The following SAP130 variants were observed in gnomAD, a reference collection of about 807,000 sequenced individuals.
SAP130 encodes Sin3A associated protein 130.
SAP130 carries 16 observed loss-of-function variants against 103.2 expected under a neutral mutation model. The ratio of observed to expected loss-of-function variants is 0.16; its 90% CI spans 0.10 to 0.24. SAP130 has a LOEUF of 0.24. Ranked by LOEUF, SAP130 falls within the 10% of genes least tolerant of loss-of-function variation. SAP130 has a pLI of 1.00. For missense variants in SAP130, 990 were observed against 1,359.7 expected (o/e 0.73, Z 4.28); for synonymous variants, 477 against 497.0 (o/e 0.96, Z 0.53).
chr2:128,018,489 A>C (rs944103404), intron 2 of SAP130, among the ~76,000 whole-genome samples: 10 of 148,632 alleles, frequency 6.7e-5, no homozygotes, highest in Non-Finnish European at 1.3e-4. Flanking sequence ...TCTCCAAAAA[A>C]AAAAAAAAAA....
At chr2:127,988,424 CT>C (rs1161934590) in intron 13 of SAP130, among the ~76,000 whole-genome samples, 3 of 89,866 alleles carry the variant, frequency 3.3e-5, no homozygotes, top group African/African-American at 8.1e-5. Context: ...GAGACCTTGT[CT>C]TTTTAAAAAA....
intron 4 of SAP130, 30 bp downstream of exon 4, chr2:128,016,359 G>C: frequency 6.2e-7 from 1 of 1,600,044 alleles, no homozygotes; most frequent in South Asian, 1.1e-5. Context: ...ATTTCAGTTT[G>C]AAAATCAGCA....
rs183930541 is a variant in SAP130 at position 127,952,337 on chromosome 2, G to A, written c.2423-1929C>T. Among the ~76,000 whole-genome samples, 37 of 151,504 alleles carry A rather than the reference G, an allele frequency of 2.4e-4. 1 individual carries two copies. Among genetic ancestry groups the A allele is most frequent in the African/African-American group, 7.5e-4 (31 of 41,262 alleles). On this transcript the variant is annotated intron_variant, in intron 16 of 20. Transcript: ENST00000643581. Reference sequence around the variant, plus strand: ...GTGGTGGCAGGTGCTTGTAATCCCCGCTACTCAGGAGGCTGAGGCAGGAGA... The same window carrying A: ...GTGGTGGCAGGTGCTTGTAATCCCCACTACTCAGGAGGCTGAGGCAGGAGA...
At chr2:128,027,445 C>A (rs1194715699) in intron 1 of SAP130, 1 of 1,105,572 alleles carries the variant, frequency 9.0e-7, no homozygotes, top group African/African-American at 1.7e-5. Flanking sequence ...GCGAGCCTGG[C>A]CGGGGCAGCC....
intron 7 of SAP130, among the ~76,000 whole-genome samples, chr2:128,004,640 T>C (rs985536805): frequency 2.6e-5 from 4 of 152,014 alleles, no homozygotes; most frequent in African/African-American, 7.2e-5. Flanking sequence ...AAGCTGGCAG[T>C]GAAGGAGCAT....
chr2:127,979,364 A>C (rs1032811110), intron 14 of SAP130, among the ~76,000 whole-genome samples: 2 of 152,188 alleles, frequency 1.3e-5, no homozygotes, highest in Non-Finnish European at 2.9e-5. Context: ...CTGTTGCCTT[A>C]AGCCAGAAGA....
intron 15 of SAP130, among the ~76,000 whole-genome samples, chr2:127,966,746 C>T (rs1244443741): frequency 1.3e-5 from 2 of 152,096 alleles, no homozygotes; most frequent in African/African-American, 4.8e-5. Flanking sequence ...TGCTTTTAAG[C>T]TGAATTCCAC....
At chr2:128,017,529 G>A (rs1343818634) in intron 3 of SAP130, 151 bp downstream of exon 3, 6 of 665,208 alleles carry the variant, frequency 9.0e-6, no homozygotes, top group African/African-American at 1.8e-5. Flanking sequence ...GAAAATCAGG[G>A]CTGAGTTACA....
At chr2:127,999,612 AAAAG>A in intron 10 of SAP130, 125 bp downstream of exon 10, 7 of 498,564 alleles carry the variant, frequency 1.4e-5, no homozygotes, top group African/African-American at 2.0e-5. Context: ...AAAGAAAAAG[AAAAG>A]AAAAAAAAAA....
intron 7 of SAP130, among the ~76,000 whole-genome samples, chr2:128,002,182 G>C (rs1000822432): frequency 6.6e-6 from 1 of 152,136 alleles, no homozygotes; most frequent in Admixed American, 6.5e-5. Flanking sequence ...CTCCCAAAGT[G>C]CTGGGATTAT....
chr2:127,971,228 T>C (rs1681066104), intron 15 of SAP130, among the ~76,000 whole-genome samples: 2 of 151,974 alleles, frequency 1.3e-5, no homozygotes, highest in South Asian at 4.1e-4. Context: ...GCTAGAATTA[T>C]AGGCATGAAC....
chr2:127,941,952 A>ACCCCCCCCCC lies in SAP130; in HGVS notation c.*53_*54insGGGGGGGGGG. 1 of 200,446 alleles carries ACCCCCCCCCC rather than the reference A, an allele frequency of 5.0e-6. No individual in the cohort carries two copies. 12.4% of individuals were successfully genotyped at this position (200,446 alleles called of 1,614,324 possible). On this transcript the variant is annotated 3_prime_UTR_variant, in exon 21 of 21. Transcript: ENST00000643581. ...TGGAAAAAACCAAAACCCTCCCCCC[A>ACCCCCCCCCC]CCCCCACCATCATTCTTCATAAATT...
At chr2:127,963,959 G>C (rs1038020507) in intron 15 of SAP130, among the ~76,000 whole-genome samples, 2 of 152,178 alleles carry the variant, frequency 1.3e-5, no homozygotes, top group African/African-American at 4.8e-5. Flanking sequence ...GGGTTATCTT[G>C]ATTGGGATAG....
chr2:127,958,984 A>G (rs1559041500), intron 15 of SAP130, among the ~76,000 whole-genome samples: 1 of 152,168 alleles, frequency 6.6e-6, no homozygotes, highest in Non-Finnish European at 1.5e-5. Context: ...CCCATCTAAA[A>G]TTCTGCCTGC....
chr2:127,950,223 A>G lies in SAP130; in HGVS notation c.2608T>C (p.Ser870Pro). The change falls in exon 17 of 21, where the codon TCC (serine) becomes CCC (proline). Residue 870 changes from serine to proline, a missense_variant. Ser to Pro is a moderately conservative substitution (Grantham distance 74). Coordinates refer to ENST00000643581, the MANE Select transcript of SAP130 (RefSeq NM_001330301.2). ...METNSTDDEK[S>P]TAKSLLVKAE... ...TTCACCAGAAGACTCTTGGCAGTGG[A>G]CTTCTCATCATCAGTGCTGTTTGTC... 1 of 1,614,166 alleles carries G rather than the reference A, an allele frequency of 6.2e-7. No homozygotes were observed. Among genetic ancestry groups the G allele is most frequent in the African/African-American group, 1.3e-5 (1 of 75,042 alleles).
At chr2:127,987,905 T>C (rs924947762) in intron 13 of SAP130, among the ~76,000 whole-genome samples, 5 of 152,176 alleles carry the variant, frequency 3.3e-5, no homozygotes, top group African/African-American at 1.2e-4. Flanking sequence ...AATCAGAAAA[T>C]ACCTGTGTTT....
At chr2:128,003,957 C>CTTTTTTT (rs61211577) in intron 7 of SAP130, among the ~76,000 whole-genome samples, 1,348 of 67,916 alleles carry the variant, frequency 0.02, 215 homozygotes, top group Non-Finnish European at 0.026. Flanking sequence ...CACAGATCAG[C>CTTTTTTT]TTTTTTTTTT....
At chr2:127,966,158 T>C (rs1234932923) in intron 15 of SAP130, among the ~76,000 whole-genome samples, 1 of 151,260 alleles carries the variant, frequency 6.6e-6, no homozygotes, top group African/African-American at 2.4e-5. Flanking sequence ...CTGACCAACA[T>C]GGTGAAACCC....
At chr2:127,958,832 T>C (rs1055101023) in intron 15 of SAP130, among the ~76,000 whole-genome samples, 1 of 152,172 alleles carries the variant, frequency 6.6e-6, no homozygotes, top group Non-Finnish European at 1.5e-5. Flanking sequence ...CTAAGTTTTG[T>C]ATTTTTTGTA....
Sources: allele counts gnomAD v4.1 joint callset (sites outside exome capture counted in the v4.1 genomes callset), GRCh38; gene constraint gnomAD v4.1.1; transcripts MANE v1.5; gene names NCBI Gene and HGNC (gene_info 2026-07-23, HGNC 2026-07-21).